The following ELP4 variants were observed in gnomAD, a reference collection of about 807,000 sequenced individuals.
ELP4 encodes elongator acetyltransferase complex subunit 4.
In ELP4, 51 loss-of-function variants were observed where a neutral mutation model predicts 48.9. That is an observed-to-expected ratio of 1.04 (90% CI 0.83 to 1.32). ELP4 has a LOEUF of 1.32. Among genes scored for constraint, ELP4 ranks in the 40% most tolerant of loss-of-function variants. The probability of loss-of-function intolerance (pLI) is 0.00; values close to 1 mark genes in which losing one functional copy is unlikely to be tolerated. For synonymous variants in ELP4, 210 were observed against 189.2 expected, an observed-to-expected ratio of 1.11 and a Z score of -0.90; for missense variants, 519 against 514.6, an observed-to-expected ratio of 1.01 and a Z score of -0.08.
chr11:31,684,347 C>A (rs997150415), intron 9 of ELP4, among the ~76,000 whole-genome samples: 2 of 152,046 alleles, frequency 1.3e-5, no homozygotes, highest in Non-Finnish European at 2.9e-5. Context: ...GCTGAAATTA[C>A]AGATGTATGC....
At position 31,621,667 on chromosome 11, in the gene ELP4, A is replaced by G. The variant is rs958954528; in HGVS notation, c.654-5443A>G. Among the ~76,000 whole-genome samples, 3 of 151,862 alleles carry G rather than the reference A, an allele frequency of 2.0e-5. No homozygotes were observed. In the South Asian group the frequency reaches 6.2e-4, roughly 31 times the overall value. Reference sequence around the variant, plus strand: ...CACTTCACAGTATTGAGTTTTCTTTATACATCGTGTACCAAGTACATTGTA... The same window carrying G: ...CACTTCACAGTATTGAGTTTTCTTTGTACATCGTGTACCAAGTACATTGTA... On this transcript the variant is annotated intron_variant, in intron 5 of 9. Transcript: ENST00000640961.
At chr11:31,645,959 T>C (rs2134067133) in intron 7 of ELP4, 1 of 149,154 alleles carries the variant, frequency 6.7e-6, no homozygotes, top group African/African-American at 2.4e-5. Flanking sequence ...ATCCCAGCTG[T>C]TGGAATGTCT....
chr11:31,560,116 T>C (rs1956993387), intron 3 of ELP4, among the ~76,000 whole-genome samples: 1 of 152,112 alleles, frequency 6.6e-6, no homozygotes, highest in Non-Finnish European at 1.5e-5. Context: ...ACAAATGAAA[T>C]TGTTCAAATG....
At chr11:31,682,433 A>G (rs1327653813) in intron 9 of ELP4, among the ~76,000 whole-genome samples, 1 of 152,200 alleles carries the variant, frequency 6.6e-6, no homozygotes, top group Admixed American at 6.5e-5. Context: ...GATCTCACAT[A>G]CATATTCAGA....
intron 3 of ELP4, among the ~76,000 whole-genome samples, chr11:31,589,345 C>T (rs184297145): frequency 2.2e-4 from 34 of 152,106 alleles, no homozygotes; most frequent in East Asian, 7.7e-4. Context: ...CATGAAATGT[C>T]GAAGAATATC....
intron 3 of ELP4, among the ~76,000 whole-genome samples, chr11:31,578,239 G>A (rs1957320469): frequency 6.6e-6 from 1 of 152,166 alleles, no homozygotes; most frequent in Admixed American, 6.5e-5. Context: ...TACAAGGGAT[G>A]TGAAGGACCT....
At chr11:31,647,695 A>G (rs780478390) in intron 7 of ELP4, 46 bp from the exon 8 acceptor site, 4 of 1,142,746 alleles carry the variant, frequency 3.5e-6, no homozygotes, top group East Asian at 2.4e-5. Context: ...ATATTATACT[A>G]TTAACATAAT....
intron 7 of ELP4, among the ~76,000 whole-genome samples, chr11:31,639,049 A>G (rs1398858665): frequency 6.6e-6 from 1 of 151,892 alleles, no homozygotes; most frequent in Non-Finnish European, 1.5e-5. Context: ...TTTTAAATGC[A>G]CTTTATTAAG....
At chr11:31,527,143 C>A (rs1307027890) in intron 2 of ELP4, among the ~76,000 whole-genome samples, 1 of 151,902 alleles carries the variant, frequency 6.6e-6, no homozygotes, top group East Asian at 1.9e-4. Context: ...TGAAGTACTC[C>A]CTTCCTTTCT....
Position 31,517,575 on chromosome 11 carries a change from C to T in ELP4, c.224-2481C>T, listed in dbSNP as rs983406267. Among the ~76,000 whole-genome samples, 6 of 151,952 alleles carry T rather than the reference C, an allele frequency of 3.9e-5. No individual in the cohort carries two copies. In the South Asian group the frequency reaches 1.2e-3, roughly 32 times the overall value. Reference sequence around the variant, plus strand: ...TAAATATTTCTTTCAGATTTGTATACAAAAAACAAACAATTAACATTGACT... The same window carrying T: ...TAAATATTTCTTTCAGATTTGTATATAAAAAACAAACAATTAACATTGACT... On this transcript the variant is annotated intron_variant, in intron 1 of 9. Transcript: ENST00000640961.
intron 9 of ELP4, chr11:31,662,498 A>G (rs1443428810): frequency 2.5e-6 from 1 of 397,284 alleles, no homozygotes; most frequent in East Asian, 3.6e-5. Flanking sequence ...AGCCATTCCT[A>G]TCATTTTGTC....
At position 31,624,596 on chromosome 11, in the gene ELP4, G is replaced by A. The variant is rs1043895862; in HGVS notation, c.654-2514G>A. ...TAGACTTTATAACTGTACACTTAACGCTACACTAAATTTACTAAAAATATT... is the reference window on the plus strand; with the variant it reads ...TAGACTTTATAACTGTACACTTAACACTACACTAAATTTACTAAAAATATT... On this transcript the variant is annotated intron_variant, in intron 5 of 9. Coordinates refer to ENST00000640961, the MANE Select transcript of ELP4 (RefSeq NM_019040.5). Among the ~76,000 whole-genome samples the A allele has an allele frequency of 5.3e-5, 8 of 151,438 alleles. No homozygotes were observed. In the East Asian group the frequency reaches 5.8e-4, roughly 11 times the overall value.
intron 9 of ELP4, among the ~76,000 whole-genome samples, chr11:31,742,729 C>T (rs1947483564): frequency 6.6e-6 from 1 of 152,088 alleles, no homozygotes; most frequent in Non-Finnish European, 1.5e-5. Flanking sequence ...CAGGCCTGCC[C>T]TAAAAGAGCT....
intron 3 of ELP4, among the ~76,000 whole-genome samples, chr11:31,541,970 C>G (rs1255291878): frequency 4.6e-5 from 7 of 151,906 alleles, no homozygotes; most frequent in Non-Finnish European, 1.0e-4. Context: ...AAAAGCAAAA[C>G]AGACTCTTAA....
At chr11:31,537,568 T>TA (rs1486683193) in intron 2 of ELP4, among the ~76,000 whole-genome samples, 4 of 152,138 alleles carry the variant, frequency 2.6e-5, no homozygotes, top group African/African-American at 9.7e-5. Flanking sequence ...CTGCAGGCCA[T>TA]ACAGGAAGCA....
At chr11:31,532,278 A>G (rs1225991525) in intron 2 of ELP4, among the ~76,000 whole-genome samples, 1 of 152,226 alleles carries the variant, frequency 6.6e-6, no homozygotes, top group Non-Finnish European at 1.5e-5. Context: ...TAAAGATAAG[A>G]TAACATAAAA....
intron 3 of ELP4, among the ~76,000 whole-genome samples, chr11:31,589,538 T>G (rs1019386805): frequency 1.1e-4 from 16 of 152,340 alleles, no homozygotes; most frequent in African/African-American, 3.8e-4. Context: ...AAGATTAAAT[T>G]ACAGAACCTT....
At chr11:31,725,502 A>G (rs565606098) in intron 9 of ELP4, among the ~76,000 whole-genome samples, 1 of 152,314 alleles carries the variant, frequency 6.6e-6, no homozygotes, top group East Asian at 1.9e-4. Flanking sequence ...CTTGACAGGA[A>G]CAGGGACAGA....
intron 9 of ELP4, among the ~76,000 whole-genome samples, chr11:31,730,544 C>T (rs1415499983): frequency 6.6e-6 from 1 of 152,106 alleles, no homozygotes; most frequent in East Asian, 1.9e-4. Context: ...AAGACTGGAC[C>T]ATAAACATCC....
Sources: allele counts gnomAD v4.1 joint callset (sites outside exome capture counted in the v4.1 genomes callset), GRCh38; gene constraint gnomAD v4.1.1; transcripts MANE v1.5; gene names NCBI Gene and HGNC (gene_info 2026-07-23, HGNC 2026-07-21).